TOX: variants seen among roughly 807,000 people sequenced by gnomAD.
The protein encoded by TOX is thymocyte selection associated high mobility group box, also known as thymocyte selection-associated high mobility group box protein TOX.
TOX carries 11 observed loss-of-function variants against 53.7 expected under a neutral mutation model. The ratio of observed to expected loss-of-function variants is 0.20; its 90% CI spans 0.13 to 0.34. TOX has a LOEUF of 0.34. Among genes scored for constraint, TOX ranks in the 10% least tolerant of loss-of-function variants. TOX has a pLI of 1.00. For synonymous variants in TOX, 225 were observed against 245.3 expected, an observed-to-expected ratio of 0.92 and a Z score of 0.77; for missense variants, 570 against 664.6, an observed-to-expected ratio of 0.86 and a Z score of 1.56.
chr8:58,882,275 CTT>C (rs1811396305), intron 3 of TOX, among the ~76,000 whole-genome samples: 1 of 152,196 alleles, frequency 6.6e-6, no homozygotes, highest in Admixed American at 6.5e-5. Context: ...TGTTTGAACT[CTT>C]GTTTTTTCTT....
At chr8:58,810,577 T>C (rs1055835300) in intron 7 of TOX, among the ~76,000 whole-genome samples, 1 of 152,070 alleles carries the variant, frequency 6.6e-6, no homozygotes, top group Non-Finnish European at 1.5e-5. Flanking sequence ...CATTTCCAAT[T>C]CCTGGGTTAA....
At chr8:58,983,600 A>T (rs1813242771) in intron 1 of TOX, among the ~76,000 whole-genome samples, 1 of 152,256 alleles carries the variant, frequency 6.6e-6, no homozygotes, top group South Asian at 2.1e-4. Flanking sequence ...GTAGAACTCC[A>T]TACAAATAAA....
At chr8:58,852,943 T>C (rs1304373245) in intron 3 of TOX, among the ~76,000 whole-genome samples, 3 of 152,320 alleles carry the variant, frequency 2.0e-5, no homozygotes, top group Non-Finnish European at 4.4e-5. Context: ...GTGAAAATAC[T>C]GTGAAGGCAA....
chr8:59,023,993 C>A (rs1330381050), intron 1 of TOX, among the ~76,000 whole-genome samples: 1 of 152,074 alleles, frequency 6.6e-6, no homozygotes, highest in Non-Finnish European at 1.5e-5. Flanking sequence ...CAATCAAGAG[C>A]ATACTTAAGC....
At chr8:58,843,068 C>T (rs994136860) in intron 4 of TOX, among the ~76,000 whole-genome samples, 3 of 152,206 alleles carry the variant, frequency 2.0e-5, no homozygotes, top group African/African-American at 7.2e-5. Flanking sequence ...GACTCTAAAG[C>T]TATGGTGTTG....
At chr8:58,949,221 T>A (rs1194947679) in intron 2 of TOX, among the ~76,000 whole-genome samples, 1 of 152,226 alleles carries the variant, frequency 6.6e-6, no homozygotes, top group Non-Finnish European at 1.5e-5. Flanking sequence ...ATTTTTATTA[T>A]CACTTAATGT....
chr8:58,920,717 A>C (rs1284834574), intron 3 of TOX, among the ~76,000 whole-genome samples: 1 of 48,448 alleles, frequency 2.1e-5, no homozygotes, highest in Non-Finnish European at 5.0e-5. Context: ...TAAAAAAAAA[A>C]CATTAAAAAA....
At chr8:58,912,895 C>T (rs768264576) in intron 3 of TOX, among the ~76,000 whole-genome samples, 1 of 152,162 alleles carries the variant, frequency 6.6e-6, no homozygotes, top group Non-Finnish European at 1.5e-5. Flanking sequence ...GAGTGTTCTA[C>T]CTGTATATCC....
intron 3 of TOX, among the ~76,000 whole-genome samples, chr8:58,912,296 C>T (rs1033178532): frequency 3.9e-5 from 6 of 152,190 alleles, no homozygotes; most frequent in Non-Finnish European, 8.8e-5. Context: ...TAAGGAAATA[C>T]ACTAAGGTAA....
At chr8:58,833,599 C>A (rs1232959314) in intron 5 of TOX, among the ~76,000 whole-genome samples, 1 of 152,184 alleles carries the variant, frequency 6.6e-6, no homozygotes, top group Non-Finnish European at 1.5e-5. Context: ...TCTTTCTCTG[C>A]AGGTTCCAGT....
At chr8:59,081,230 T>C (rs1284556294) in intron 1 of TOX, among the ~76,000 whole-genome samples, 1 of 152,044 alleles carries the variant, frequency 6.6e-6, no homozygotes, top group East Asian at 1.9e-4. Flanking sequence ...TTTCTCCATG[T>C]TGGCCAGGGT....
At chr8:58,982,169 T>C (rs1813217975) in intron 1 of TOX, among the ~76,000 whole-genome samples, 1 of 152,102 alleles carries the variant, frequency 6.6e-6, no homozygotes, top group East Asian at 1.9e-4. Context: ...CTTATACTCA[T>C]TCTCTTTCCC....
At chr8:59,026,803 G>A (rs1210762422) in intron 1 of TOX, among the ~76,000 whole-genome samples, 1 of 151,542 alleles carries the variant, frequency 6.6e-6, no homozygotes, top group Non-Finnish European at 1.5e-5. Context: ...TGCCTGTCTT[G>A]CCCCAGGAGC....
intron 4 of TOX, among the ~76,000 whole-genome samples, chr8:58,849,909 T>C (rs1454840516): frequency 6.6e-6 from 1 of 152,198 alleles, no homozygotes; most frequent in Non-Finnish European, 1.5e-5. Context: ...CACATTTGGG[T>C]TCAGGTACTC....
At chr8:58,896,636 C>T (rs1811651916) in intron 3 of TOX, among the ~76,000 whole-genome samples, 1 of 152,166 alleles carries the variant, frequency 6.6e-6, no homozygotes, top group African/African-American at 2.4e-5. Context: ...GATCATGCTA[C>T]TGCACTCCAG....
intron 4 of TOX, among the ~76,000 whole-genome samples, chr8:58,848,271 A>G (rs565004436): frequency 6.6e-6 from 1 of 152,140 alleles, no homozygotes; most frequent in East Asian, 1.9e-4. Flanking sequence ...AAAATGGGAA[A>G]TTATGTAATG....
At chr8:59,062,568 G>T (rs370509765) in intron 1 of TOX, among the ~76,000 whole-genome samples, 1 of 152,096 alleles carries the variant, frequency 6.6e-6, no homozygotes, top group Non-Finnish European at 1.5e-5. Flanking sequence ...TGGCTCTTTC[G>T]GATGACAATG....
chr8:59,062,586 G>A (rs1470894445), intron 1 of TOX, among the ~76,000 whole-genome samples: 1 of 152,188 alleles, frequency 6.6e-6, no homozygotes, highest in Non-Finnish European at 1.5e-5. Flanking sequence ...ATGATGAACT[G>A]TTCTAAGCAG....
At chr8:58,835,388 G>T (rs1346622806) in intron 5 of TOX, among the ~76,000 whole-genome samples, 1 of 152,178 alleles carries the variant, frequency 6.6e-6, no homozygotes, top group Non-Finnish European at 1.5e-5. Context: ...CTGAATGCCA[G>T]AATGGGAAAA....
Sources: allele counts gnomAD v4.1 joint callset (sites outside exome capture counted in the v4.1 genomes callset), GRCh38; gene constraint gnomAD v4.1.1; transcripts MANE v1.5; gene names NCBI Gene and HGNC (gene_info 2026-07-23, HGNC 2026-07-21).